The following CHCHD3 variants were observed in gnomAD, a reference collection of about 807,000 sequenced individuals.
CHCHD3 encodes the protein MICOS complex subunit MIC19.
A neutral mutation model predicts 38.2 loss-of-function variants in CHCHD3; 20 were observed. That is an observed-to-expected ratio of 0.52 (90% CI 0.37 to 0.76). The LOEUF (loss-of-function observed/expected upper bound fraction) is 0.76, where lower values mean the gene tolerates loss of function less well. Among genes scored for constraint, CHCHD3 ranks in the 30% least tolerant of loss-of-function variants. The pLI, the probability that CHCHD3 is intolerant of heterozygous loss-of-function variation, is 0.00. For missense variants in CHCHD3, 245 were observed against 279.2 expected (o/e 0.88, Z 0.87); for synonymous variants, 82 against 100.0 (o/e 0.82, Z 1.07).
intron 3 of CHCHD3, among the ~76,000 whole-genome samples, chr7:132,986,441 A>G (rs2117360533): frequency 6.7e-6 from 1 of 150,092 alleles, no homozygotes; most frequent in Non-Finnish European, 1.5e-5. Context: ...AAAAAAAAAG[A>G]AAATACAACT....
At chr7:133,044,187 C>T (rs893999918) in intron 2 of CHCHD3, among the ~76,000 whole-genome samples, 1 of 152,196 alleles carries the variant, frequency 6.6e-6, no homozygotes, top group South Asian at 2.1e-4. Context: ...ACCCCTTTGC[C>T]TGATCTCTAC....
At chr7:132,803,746 G>C (rs1013825644) in intron 6 of CHCHD3, among the ~76,000 whole-genome samples, 1 of 150,926 alleles carries the variant, frequency 6.6e-6, no homozygotes, top group African/African-American at 2.4e-5. Context: ...TAATCTATTG[G>C]AACTAGAGGA....
At chr7:132,798,227 T>C (rs1806671806) in intron 6 of CHCHD3, among the ~76,000 whole-genome samples, 1 of 152,192 alleles carries the variant, frequency 6.6e-6, no homozygotes, top group Non-Finnish European at 1.5e-5. Flanking sequence ...AAAAAAATGT[T>C]TCAACAATTT....
At chr7:132,965,575 A>G (rs2117315078) in intron 4 of CHCHD3, among the ~76,000 whole-genome samples, 1 of 152,342 alleles carries the variant, frequency 6.6e-6, no homozygotes, top group South Asian at 2.1e-4. Context: ...TGGGGCTCAG[A>G]GCTATGGTTC....
intron 4 of CHCHD3, chr7:132,973,580 A>AGTCAGTCCACTGACATTTCTTTCTTG (rs2117329216): frequency 6.0e-6 from 6 of 995,356 alleles, no homozygotes; most frequent in Middle Eastern, 1.0e-3. Flanking sequence ...GGCAGCTGCC[A>AGTCAGTCCACTGACATTTCTTTCTTG]GTCAGTCCAC....
intron 4 of CHCHD3, among the ~76,000 whole-genome samples, chr7:132,898,967 C>T (rs1257632701): frequency 6.6e-6 from 1 of 152,196 alleles, no homozygotes. Flanking sequence ...CACACAGCCC[C>T]GGTTCCCGCT....
At chr7:133,078,806 A>G (rs1815083028) in intron 1 of CHCHD3, among the ~76,000 whole-genome samples, 5 of 152,188 alleles carry the variant, frequency 3.3e-5, no homozygotes, top group Admixed American at 3.3e-4. Context: ...GTAAACTTTC[A>G]TTTCTTACAA....
chr7:133,047,397 A>G (rs1344992569), intron 2 of CHCHD3, among the ~76,000 whole-genome samples: 1 of 152,252 alleles, frequency 6.6e-6, no homozygotes, highest in Non-Finnish European at 1.5e-5. Context: ...TCTGTCACTC[A>G]GGAAAAGCTA....
At chr7:132,959,900 A>G (rs372355188) in intron 4 of CHCHD3, among the ~76,000 whole-genome samples, 1 of 152,138 alleles carries the variant, frequency 6.6e-6, no homozygotes, top group African/African-American at 2.4e-5. Flanking sequence ...AGAAAAGGCC[A>G]AAGAAAAATG....
At position 133,082,002 on chromosome 7, in the gene CHCHD3, C is replaced by A; in HGVS notation, c.-65G>T. On this transcript the variant is annotated 5_prime_UTR_variant, in exon 1 of 8. Transcript: ENST00000262570. ...CACGAGCACTTCGGGGCCCCCGCAC[C>A]CACACGCGCGTGGAAGGGCCTGGAT... 1 of 1,390,138 alleles carries A rather than the reference C, an allele frequency of 7.2e-7. No individual in the cohort carries two copies. The highest frequency in any genetic ancestry group is 9.7e-7 in the Non-Finnish European group (1 of 1,033,930). The allele number at this position is 1,390,138 out of a possible 1,614,324, so 86.1% of individuals were successfully genotyped here. A position where few individuals can be genotyped will look rare whatever the true frequency, so the allele number is the denominator to read the frequency against.
intron 5 of CHCHD3, among the ~76,000 whole-genome samples, chr7:132,862,620 C>A (rs145497818): frequency 1.3e-5 from 2 of 152,186 alleles, no homozygotes; most frequent in Non-Finnish European, 2.9e-5. Flanking sequence ...TTTGCCACAT[C>A]AATTCATTCT....
rs571201940 is a variant in CHCHD3 at position 133,044,104 on chromosome 7, A to C, written c.170-19477T>G. Among the ~76,000 whole-genome samples, 4 of 152,332 alleles carry C rather than the reference A, an allele frequency of 2.6e-5. No homozygotes were observed. The South Asian group carries it at 8.3e-4, about 32-fold the overall frequency. On this transcript the variant is annotated intron_variant, in intron 2 of 7. Coordinates refer to ENST00000262570, the MANE Select transcript of CHCHD3 (RefSeq NM_017812.4). ...ATGAATAAAAAGTTTAAACTATGTA[A>C]ATGTCTAATCACCATGGCAGGTAGC... is the stretch of plus-strand genomic sequence containing the variant.
chr7:132,946,490 G>C (rs563076504), intron 4 of CHCHD3, among the ~76,000 whole-genome samples: 20 of 151,916 alleles, frequency 1.3e-4, no homozygotes, highest in Admixed American at 1.3e-3. Context: ...ATGTCATTTG[G>C]AGCTCCACTC....
At chr7:133,022,985 C>A (rs1359019147) in intron 3 of CHCHD3, among the ~76,000 whole-genome samples, 5 of 148,666 alleles carry the variant, frequency 3.4e-5, no homozygotes, top group Admixed American at 6.7e-5. Context: ...GAGAATCTAA[C>A]CAAAAAACCC....
chr7:132,935,025 A>T (rs1020576541), intron 4 of CHCHD3, among the ~76,000 whole-genome samples: 5 of 152,238 alleles, frequency 3.3e-5, no homozygotes, highest in African/African-American at 9.6e-5. Flanking sequence ...AAGCCTCTGG[A>T]AAGACAAGTT....
chr7:132,949,058 T>C (rs1273576260), intron 4 of CHCHD3, among the ~76,000 whole-genome samples: 1 of 152,162 alleles, frequency 6.6e-6, no homozygotes, highest in African/African-American at 2.4e-5. Context: ...TGTCAAGAAA[T>C]GTTAAATATC....
chr7:132,973,686 T>C (rs748386502), intron 4 of CHCHD3: 1,003 of 1,028,392 alleles, frequency 9.8e-4, no homozygotes, highest in Non-Finnish European at 1.1e-3. Flanking sequence ...ACTGATTCAT[T>C]ACGCATGGAC....
intron 4 of CHCHD3, among the ~76,000 whole-genome samples, chr7:132,908,622 C>G (rs998033247): frequency 6.6e-6 from 1 of 152,038 alleles, no homozygotes; most frequent in Non-Finnish European, 1.5e-5. Flanking sequence ...CTAAGATACC[C>G]GAAGAAGAAA....
chr7:132,844,486 A>G (rs1808022011), intron 5 of CHCHD3, among the ~76,000 whole-genome samples: 1 of 152,226 alleles, frequency 6.6e-6, no homozygotes, highest in African/African-American at 2.4e-5. Flanking sequence ...CCTGCCCCAT[A>G]AACAGCAGAA....
Sources: allele counts gnomAD v4.1 joint callset (sites outside exome capture counted in the v4.1 genomes callset), GRCh38; gene constraint gnomAD v4.1.1; transcripts MANE v1.5; gene names NCBI Gene and HGNC (gene_info 2026-07-23, HGNC 2026-07-21).